Variants in PARP11 observed in about 807,000 individuals in gnomAD.
PARP11 encodes the protein poly(ADP-ribose) polymerase family member 11.
Under a neutral mutation model 42.9 loss-of-function variants are expected in PARP11, and 31 were observed. That is an observed-to-expected ratio of 0.72 (90% CI 0.54 to 0.98). PARP11 has a LOEUF of 0.98. Among genes scored for constraint, PARP11 ranks in the 50% least tolerant of loss-of-function variants. The pLI is 0.00. For missense variants in PARP11, 365 were observed against 413.1 expected (o/e 0.88, Z 1.01); for synonymous variants, 137 against 127.3 (o/e 1.08, Z -0.51).
intron 4 of PARP11, among the ~76,000 whole-genome samples, chr12:3,823,713 C>G (rs745425871): frequency 6.6e-6 from 1 of 152,084 alleles, no homozygotes; most frequent in Non-Finnish European, 1.5e-5. Flanking sequence ...CTTAGGAGTT[C>G]GAGACCAGCC....
At chr12:3,838,799 G>A (rs902399234) in intron 1 of PARP11, among the ~76,000 whole-genome samples, 3 of 152,348 alleles carry the variant, frequency 2.0e-5, no homozygotes, top group East Asian at 1.9e-4. Context: ...GTGGGGAAAC[G>A]AAAGGCCGCG....
chr12:3,845,646 T>C lies in PARP11; in HGVS notation c.19-15628A>G, dbSNP rs561827063. Among the ~76,000 whole-genome samples the C allele has an allele frequency of 3.9e-5, 6 of 152,374 alleles. No homozygotes were observed. The South Asian group carries it at 1.2e-3, about 32-fold the overall frequency. On this transcript the variant is annotated intron_variant, in intron 1 of 7. Transcript: ENST00000228820. ...TAGCTGAAGAGAATACGTATTTGGCTACACTATTTCTGTGTACTGTGTTTT... is the reference window on the plus strand; with the variant it reads ...TAGCTGAAGAGAATACGTATTTGGCCACACTATTTCTGTGTACTGTGTTTT...
chr12:3,835,674 TAATATC>T (rs1249850228), intron 1 of PARP11, among the ~76,000 whole-genome samples: 1 of 152,078 alleles, frequency 6.6e-6, no homozygotes, highest in African/African-American at 2.4e-5. Context: ...ATCAAATAAA[TAATATC>T]AATAAAGAGA....
At position 3,861,230 on chromosome 12, in the gene PARP11, A is replaced by T. The variant is rs898657405; in HGVS notation, c.18+11982T>A. On this transcript the variant is annotated intron_variant, in intron 1 of 7. Transcript: ENST00000228820. This position sits in a 1 kb window ranked among gnomAD's most constrained non-coding sequence, Gnocchi z 4.6. ...AAGGGCCAGGGCCAGAATGTTATAG[A>T]CTAAACGTTTGTGTCCTTGCCAAAT... Among the ~76,000 whole-genome samples, 11 of 152,162 alleles carry T rather than the reference A, an allele frequency of 7.2e-5. No homozygotes were observed. The highest frequency in any genetic ancestry group is 2.2e-4 in the African/African-American group (9 of 41,428).
At chr12:3,873,069 A>G (rs1391326166) in intron 1 of PARP11, 143 bp downstream of exon 1, 11 of 820,562 alleles carry the variant, frequency 1.3e-5, no homozygotes, top group Non-Finnish European at 2.1e-5. Flanking sequence ...AGACTACAGA[A>G]GCCAAAAGGC....
intron 1 of PARP11, chr12:3,863,912 G>A (rs1948343684): frequency 6.6e-6 from 1 of 152,132 alleles, no homozygotes; most frequent in Admixed American, 6.6e-5. Context: ...AAACAATCTG[G>A]ACAAACTGGT....
At chr12:3,848,413 C>G (rs1948038121) in intron 1 of PARP11, among the ~76,000 whole-genome samples, 1 of 152,072 alleles carries the variant, frequency 6.6e-6, no homozygotes, top group Non-Finnish European at 1.5e-5. Context: ...AAATATACTA[C>G]AAAGCTATAG....
chr12:3,817,393 A>T (rs953004925), intron 6 of PARP11, among the ~76,000 whole-genome samples: 2 of 152,148 alleles, frequency 1.3e-5, no homozygotes, highest in African/African-American at 2.4e-5. Flanking sequence ...GGCAGAGGGC[A>T]GGGGCATGGT....
At chr12:3,849,206 TTGG>T (rs1948051480) in intron 1 of PARP11, among the ~76,000 whole-genome samples, 1 of 152,090 alleles carries the variant, frequency 6.6e-6, no homozygotes, top group African/African-American at 2.4e-5. Flanking sequence ...TCGTTCACTG[TTGG>T]TGGGAATGTA....
At chr12:3,851,138 C>T (rs1434985463) in intron 1 of PARP11, among the ~76,000 whole-genome samples, 1 of 152,156 alleles carries the variant, frequency 6.6e-6, no homozygotes, top group East Asian at 1.9e-4. Flanking sequence ...ATTGGGGGTC[C>T]ATTCCAAGAT....
chr12:3,870,876 G>A (rs969672242), intron 1 of PARP11, among the ~76,000 whole-genome samples: 2 of 152,208 alleles, frequency 1.3e-5, no homozygotes, highest in Admixed American at 6.5e-5. Flanking sequence ...GGTTGTTGAT[G>A]ACAGATAGTG....
chr12:3,846,795 C>T (rs149290429), intron 1 of PARP11, among the ~76,000 whole-genome samples: 1,709 of 142,032 alleles, frequency 0.012, 26 homozygotes, highest in African/African-American at 0.041. Context: ...AAATAGAAAA[C>T]TTGAATAGGA....
intron 1 of PARP11, among the ~76,000 whole-genome samples, 178 bp downstream of exon 1, chr12:3,873,034 G>A (rs1179328081): frequency 1.3e-5 from 2 of 152,184 alleles, no homozygotes; most frequent in Non-Finnish European, 2.9e-5. Flanking sequence ...ATCCACCCAG[G>A]CACTTCCACT....
At chr12:3,824,981 A>G (rs1265232329) in intron 4 of PARP11, among the ~76,000 whole-genome samples, 3 of 152,252 alleles carry the variant, frequency 2.0e-5, no homozygotes, top group Non-Finnish European at 1.5e-5. Context: ...AAACCAAAAT[A>G]AATGCTAAAA....
At chr12:3,831,748 C>G (rs1398526478) in intron 1 of PARP11, among the ~76,000 whole-genome samples, 1 of 152,170 alleles carries the variant, frequency 6.6e-6, no homozygotes, top group Non-Finnish European at 1.5e-5. Flanking sequence ...TCAAAGCCTT[C>G]TGGTTTAGGA....
intron 3 of PARP11, among the ~76,000 whole-genome samples, chr12:3,827,457 T>G (rs1389302142): frequency 6.6e-6 from 1 of 152,148 alleles, no homozygotes; most frequent in Non-Finnish European, 1.5e-5. Context: ...ACATGAGGTC[T>G]GGTGTCTGTG....
Position 3,840,639 on chromosome 12 carries a change from C to A in PARP11, c.19-10621G>T. 8.3e-7 allele frequency: 1 copy of A among 1,199,236 alleles called. No individual in the cohort carries two copies. The highest frequency in any genetic ancestry group is 1.2e-6 in the Non-Finnish European group (1 of 801,230). The allele number at this position is 1,199,236 out of a possible 1,614,324, so 74.3% of individuals were successfully genotyped here. The stretch of plus-strand genomic sequence containing the variant: ...ATTGCTACTTCTCAGAGTAGCAATC[C>A]ATGTGTCCAGAGAAAATCATCACAC... On this transcript the variant is annotated intron_variant, in intron 1 of 7. Coordinates refer to ENST00000228820, the MANE Select transcript of PARP11 (RefSeq NM_020367.6). The surrounding 1 kb of genome is among the most constrained non-coding windows in gnomAD (Gnocchi z 4.4).
chr12:3,832,206 G>T, intron 1 of PARP11: 1 of 522,820 alleles, frequency 1.9e-6, no homozygotes, highest in Non-Finnish European at 2.4e-6. Context: ...GGTGGGACAG[G>T]TACCATTGTA....
chr12:3,858,004 T>C (rs1340352044), intron 1 of PARP11, among the ~76,000 whole-genome samples: 2 of 152,182 alleles, frequency 1.3e-5, no homozygotes, highest in African/African-American at 4.8e-5. Context: ...CAAATGCAGT[T>C]GCCAACACTC....
Sources: gnomAD v4.1 joint callset for allele counts (sites outside exome capture counted in the v4.1 genomes callset) on GRCh38, gnomAD v4.1.1 for gene constraint, Gnocchi (gnomAD v3.1) non-coding constraint, MANE v1.5 for transcripts, NCBI Gene and HGNC (gene_info 2026-07-23, HGNC 2026-07-21) for gene names.